The following PCDHGA3 variants were observed in gnomAD, a reference collection of about 807,000 sequenced individuals.
PCDHGA3 encodes the protein protocadherin gamma-A3.
Under a neutral mutation model 58.5 loss-of-function variants are expected in PCDHGA3, and 40 were observed. That is an observed-to-expected ratio of 0.68 (90% CI 0.53 to 0.89). PCDHGA3 has a LOEUF of 0.89. Ranked by LOEUF, PCDHGA3 falls within the 40% of genes least tolerant of loss-of-function variation. The pLI, the probability that PCDHGA3 is intolerant of heterozygous loss-of-function variation, is 0.00. For missense variants in PCDHGA3, 1,223 were observed against 1,195.9 expected (o/e 1.02, Z -0.33); for synonymous variants, 530 against 525.7 (o/e 1.01, Z -0.11).
At chr5:141,387,558 C>G (rs1456100013) in intron 1 of PCDHGA3, 1 of 417,976 alleles carries the variant, frequency 2.4e-6, no homozygotes, top group Non-Finnish European at 4.2e-6. Context: ...TTCAGTTAGG[C>G]ACACAATTAT....
chr5:141,427,887 C>A (rs759734297), intron 1 of PCDHGA3: 2 of 1,565,908 alleles, frequency 1.3e-6, no homozygotes, highest in Admixed American at 1.7e-5. Flanking sequence ...GGCCCACGAC[C>A]AGGGCTCGCC....
chr5:141,491,168 A>G lies in PCDHGA3; in HGVS notation c.2425-3639A>G. On this transcript the variant is annotated intron_variant, in intron 1 of 3. Coordinates refer to ENST00000253812, the MANE Select transcript of PCDHGA3 (RefSeq NM_018916.4). The surrounding 1 kb of genome is among the most constrained non-coding windows in gnomAD (Gnocchi z 6.9). Reference sequence around the variant, plus strand: ...CTGGAGGATGACTCTGACACCCAGCAGGTGGTGGTCCTGGTGAGGGACAAT... The same window carrying G: ...CTGGAGGATGACTCTGACACCCAGCGGGTGGTGGTCCTGGTGAGGGACAAT... 2 of 1,614,160 alleles carry G rather than the reference A, an allele frequency of 1.2e-6. No homozygotes were observed.
At chr5:141,475,090 A>G (rs991061660) in intron 1 of PCDHGA3, among the ~76,000 whole-genome samples, 1 of 152,264 alleles carries the variant, frequency 6.6e-6, no homozygotes, top group African/African-American at 2.4e-5. Flanking sequence ...CAATAATTTT[A>G]TAAAGATCCT....
chr5:141,409,292 A>G, intron 1 of PCDHGA3: 1 of 1,614,012 alleles, frequency 6.2e-7, no homozygotes, highest in Admixed American at 1.7e-5. Flanking sequence ...ACCTCCAGGA[A>G]TGGTTGTTGC....
chr5:141,372,689 T>C (rs1465173410), intron 1 of PCDHGA3: 1 of 1,614,032 alleles, frequency 6.2e-7, no homozygotes. Flanking sequence ...ACACCGAGTT[T>C]AAATTTCTCA....
intron 1 of PCDHGA3, among the ~76,000 whole-genome samples, chr5:141,450,812 T>A (rs2098694727): frequency 7.5e-6 from 1 of 133,924 alleles, no homozygotes; most frequent in Admixed American, 7.4e-5. Context: ...ATTTATTTAT[T>A]TAATATTATT....
At chr5:141,421,388 G>T in intron 1 of PCDHGA3, 17 of 1,614,052 alleles carry the variant, frequency 1.1e-5, no homozygotes, top group Non-Finnish European at 1.4e-5. Flanking sequence ...AAGGACCTGG[G>T]GCTGGAGCCC....
chr5:141,394,891 TCGTGGTGGCAGTGG>T (rs1346277751), intron 1 of PCDHGA3: 11 of 1,613,892 alleles, frequency 6.8e-6, no homozygotes, highest in Non-Finnish European at 9.3e-6. Flanking sequence ...ACACTCTATC[TCGTGGTGGCAGTGG>T]CTGCCATCTC....
chr5:141,485,586 TG>T lies in PCDHGA3; in HGVS notation c.2425-9219del. The T allele has an allele frequency of 6.2e-7, 1 of 1,612,402 alleles. No homozygotes were observed. Among genetic ancestry groups the T allele is most frequent in the Non-Finnish European group, 8.5e-7 (1 of 1,178,600 alleles). Reference sequence around the variant, plus strand: ...GCCCCCCGTTTTCCGCGGCAGCAGCTGGACTTGGAAATTGGGGAGGCAGCTC... The same window carrying T: ...GCCCCCCGTTTTCCGCGGCAGCAGCTGACTTGGAAATTGGGGAGGCAGCTC... On this transcript the variant is annotated intron_variant, in intron 1 of 3. Coordinates refer to ENST00000253812, the MANE Select transcript of PCDHGA3 (RefSeq NM_018916.4). The surrounding 1 kb of genome is among the most constrained non-coding windows in gnomAD (Gnocchi z 5.7).
intron 1 of PCDHGA3, among the ~76,000 whole-genome samples, chr5:141,434,616 T>C (rs911085192): frequency 1.3e-5 from 2 of 152,204 alleles, no homozygotes; most frequent in East Asian, 1.9e-4. Context: ...TCCGCCCATC[T>C]CTTCGTTTCC....
At chr5:141,355,739 T>C in intron 1 of PCDHGA3, 1 of 1,613,992 alleles carries the variant, frequency 6.2e-7, no homozygotes, top group Non-Finnish European at 8.5e-7. Flanking sequence ...TACTTTTCCC[T>C]GGACGTGCAA....
intron 1 of PCDHGA3, among the ~76,000 whole-genome samples, chr5:141,457,005 A>T (rs2098903361): frequency 6.6e-6 from 1 of 152,146 alleles, no homozygotes; most frequent in Admixed American, 6.5e-5. Flanking sequence ...TGCATTACTA[A>T]ATCCAATAAA....
chr5:141,352,256 G>C (rs1367377007), intron 1 of PCDHGA3: 10 of 1,614,092 alleles, frequency 6.2e-6, no homozygotes, highest in Non-Finnish European at 8.5e-6. Context: ...TAGCCTGCAA[G>C]AGGTATTGCC....
In PCDHGA3 at chr5:141,432,645, C is replaced by T. The variant is rs758701539; in HGVS notation, c.2425-62162C>T. On this transcript the variant is annotated intron_variant, in intron 1 of 3. Coordinates refer to ENST00000253812, the MANE Select transcript of PCDHGA3 (RefSeq NM_018916.4). The surrounding 1 kb of genome is among the most constrained non-coding windows in gnomAD (Gnocchi z 6.0). Reference sequence around the variant, plus strand: ...CTGCACACGGGCGAGGTGCGCACGGCGCGAGCCCTGCTGGACAGAGACGCG... The same window carrying T: ...CTGCACACGGGCGAGGTGCGCACGGTGCGAGCCCTGCTGGACAGAGACGCG... 1 of 1,613,746 alleles carries T rather than the reference C, an allele frequency of 6.2e-7. No homozygotes were observed. Among genetic ancestry groups the T allele is most frequent in the Admixed American group, 1.7e-5 (1 of 60,006 alleles).
Position 141,351,843 on chromosome 5 carries a change from T to C in PCDHGA3, c.2424+5386T>C, listed in dbSNP as rs773877160. On this transcript the variant is annotated intron_variant, in intron 1 of 3. Coordinates refer to ENST00000253812, the MANE Select transcript of PCDHGA3 (RefSeq NM_018916.4). ...CAGCTGCGCGCCTTCGAGCTCACACTGCAGGCCAGGGACCAGGGCTCCCCC... is the reference window on the plus strand; with the variant it reads ...CAGCTGCGCGCCTTCGAGCTCACACCGCAGGCCAGGGACCAGGGCTCCCCC... The C allele has an allele frequency of 2.4e-5, 38 of 1,613,116 alleles. No homozygotes were observed. In the South Asian group the frequency reaches 4.1e-4, roughly 17 times the overall value.
intron 1 of PCDHGA3, chr5:141,415,452 C>G (rs2095870569): frequency 1.9e-6 from 3 of 1,614,122 alleles, no homozygotes; most frequent in Admixed American, 1.7e-5. Context: ...CCTATTCCCA[C>G]GAGGTCTCTC....
chr5:141,421,467 G>T (rs1436543181), intron 1 of PCDHGA3: 1 of 1,614,132 alleles, frequency 6.2e-7, no homozygotes, highest in South Asian at 1.1e-5. Flanking sequence ...CTGTGAATCC[G>T]CGAAGCGGCA....
intron 1 of PCDHGA3, among the ~76,000 whole-genome samples, chr5:141,447,233 G>A (rs565398752): frequency 2.6e-5 from 4 of 152,028 alleles, no homozygotes; most frequent in Non-Finnish European, 4.4e-5. Flanking sequence ...TCCGCCTCCC[G>A]GGTTCAAGTG....
chr5:141,393,508 T>A (rs540869636), intron 1 of PCDHGA3: 2 of 1,614,010 alleles, frequency 1.2e-6, no homozygotes, highest in East Asian at 4.5e-5. Flanking sequence ...CACGTGACAG[T>A]GTTGGATACA....
Sources: allele counts gnomAD v4.1 joint callset (sites outside exome capture counted in the v4.1 genomes callset), GRCh38; gene constraint gnomAD v4.1.1; non-coding constraint Gnocchi (gnomAD v3.1); transcripts MANE v1.5; gene names NCBI Gene and HGNC (gene_info 2026-07-23, HGNC 2026-07-21).